Variants in CASK observed in about 807,000 individuals in gnomAD.
CASK encodes peripheral plasma membrane protein CASK.
CASK carries 4 observed loss-of-function variants against 82.9 expected under a neutral mutation model. The observed-to-expected ratio is 0.05, with a 90% CI of 0.02 to 0.11. The LOEUF (loss-of-function observed/expected upper bound fraction) is 0.11. Ranked by LOEUF, CASK falls within the 10% of genes least tolerant of loss-of-function variation. The pLI is 1.00. For missense variants in CASK, 358 were observed against 720.9 expected, an observed-to-expected ratio of 0.50 and a Z score of 5.76; for synonymous variants, 259 against 253.5, an observed-to-expected ratio of 1.02 and a Z score of -0.20.
intron 10 of CASK, among the ~76,000 whole-genome samples, chrX:41,624,865 A>G (rs2066340047): frequency 9.0e-6 from 1 of 111,502 alleles, no homozygotes; most frequent in African/African-American, 3.3e-5. Flanking sequence ...GGAAGGGCCC[A>G]GGGCCTCAGT....
intron 21 of CASK, among the ~76,000 whole-genome samples, chrX:41,544,383 G>T (rs5918196): frequency 0.15 from 16,613 of 109,447 alleles, 1,005 homozygotes; most frequent in Middle Eastern, 0.18. Flanking sequence ...CTGGGCAACA[G>T]GGCGAAATCC....
chrX:41,540,768 C>T (rs890505365), intron 22 of CASK, among the ~76,000 whole-genome samples: 11 of 112,200 alleles, frequency 9.8e-5, no homozygotes, highest in Admixed American at 1.9e-4. Context: ...GCTGCCAGAT[C>T]GGATGCTGAT....
chrX:41,766,005 T>C (rs984461904), intron 3 of CASK, among the ~76,000 whole-genome samples: 3 of 112,159 alleles, frequency 2.7e-5, no homozygotes, highest in East Asian at 2.8e-4. Context: ...AATGTTAATT[T>C]TGGGAAGAAT....
At chrX:41,776,482 A>G (rs1450661206) in intron 3 of CASK, among the ~76,000 whole-genome samples, 1 of 112,820 alleles carries the variant, frequency 8.9e-6, no homozygotes, top group Non-Finnish European at 1.9e-5. Context: ...CATTGTAATA[A>G]AGGCAAGAAA....
At chrX:41,891,282 T>C (rs746645751) in intron 1 of CASK, among the ~76,000 whole-genome samples, 102 of 88,302 alleles carry the variant, frequency 1.2e-3, no homozygotes, top group Non-Finnish European at 1.8e-3. Flanking sequence ...ATAAAGGAGA[T>C]ACTGAATTAA....
chrX:41,818,194 T>TGTGTGTGTG (rs1569458642), intron 2 of CASK, among the ~76,000 whole-genome samples: 4 of 102,680 alleles, frequency 3.9e-5, no homozygotes, highest in Non-Finnish European at 8.0e-5. Context: ...TGTGTGTGTG[T>TGTGTGTGTG]TTGCTGAAAT....
chrX:41,577,660 T>C (rs2147198880), intron 15 of CASK, among the ~76,000 whole-genome samples: 1 of 111,253 alleles, frequency 9.0e-6, no homozygotes, highest in East Asian at 2.8e-4. Flanking sequence ...CATGTGCTAT[T>C]TGGTTTGCTG....
At chrX:41,913,721 T>C (rs2072624162) in intron 1 of CASK, among the ~76,000 whole-genome samples, 1 of 112,553 alleles carries the variant, frequency 8.9e-6, no homozygotes, top group South Asian at 3.7e-4. Context: ...GTAATTTGAG[T>C]ATCTCAGAGA....
At chrX:41,643,751 C>T (rs1393738952) in intron 8 of CASK, among the ~76,000 whole-genome samples, 2 of 111,509 alleles carry the variant, frequency 1.8e-5, no homozygotes, top group South Asian at 3.7e-4. Context: ...TTTTCCTAAT[C>T]GAATACCTTT....
At chrX:41,543,701 C>G (rs186967854) in intron 21 of CASK, among the ~76,000 whole-genome samples, 113 of 111,785 alleles carry the variant, frequency 1.0e-3, no homozygotes, top group African/African-American at 3.5e-3. Flanking sequence ...CTCATGGGGG[C>G]CAACCAAGGG....
At chrX:41,545,909 C>A (rs2065016630) in intron 21 of CASK, among the ~76,000 whole-genome samples, 1 of 109,296 alleles carries the variant, frequency 9.1e-6, no homozygotes, top group Admixed American at 9.8e-5. Flanking sequence ...GTCATCTTGA[C>A]CTCCTGGGTG....
chrX:41,815,854 A>C (rs933038317), intron 2 of CASK, among the ~76,000 whole-genome samples: 1 of 112,340 alleles, frequency 8.9e-6, no homozygotes, highest in African/African-American at 3.2e-5. Context: ...GCATAAAACC[A>C]GTGATAAAAA....
At chrX:41,800,406 G>A (rs1437055321) in intron 2 of CASK, among the ~76,000 whole-genome samples, 1 of 111,321 alleles carries the variant, frequency 9.0e-6, no homozygotes, top group Admixed American at 9.5e-5. Flanking sequence ...TCTGCTCAGG[G>A]AAGGGTATAG....
chrX:41,636,962 T>G (rs774725858), intron 8 of CASK, among the ~76,000 whole-genome samples: 81 of 111,218 alleles, frequency 7.3e-4, no homozygotes, highest in Admixed American at 1.5e-3. Context: ...AAGGCATTGT[T>G]ACTTTTTTTT....
At chrX:41,621,553 G>A (rs2066288665) in intron 11 of CASK, among the ~76,000 whole-genome samples, 2 of 111,619 alleles carry the variant, frequency 1.8e-5, no homozygotes, top group African/African-American at 6.5e-5. Flanking sequence ...TGTGCCTTCC[G>A]GTGAGATAGC....
chrX:41,740,775 TAGCTCTGATGTTTTA>T (rs2068584937), intron 4 of CASK, among the ~76,000 whole-genome samples: 1 of 112,796 alleles, frequency 8.9e-6, no homozygotes, highest in Non-Finnish European at 1.9e-5. Context: ...ATGTAATCAT[TAGCTCTGATGTTTTA>T]ATTTATCTTA....
At chrX:41,846,570 A>C (rs1476924933) in intron 2 of CASK, among the ~76,000 whole-genome samples, 1 of 111,351 alleles carries the variant, frequency 9.0e-6, no homozygotes, top group African/African-American at 3.3e-5. Flanking sequence ...TTAATAATTT[A>C]ATTGTACATT....
At chrX:41,818,170 T>C (rs1274792615) in intron 2 of CASK, among the ~76,000 whole-genome samples, 2 of 108,361 alleles carry the variant, frequency 1.8e-5, no homozygotes, top group Non-Finnish European at 3.8e-5. Context: ...TGTGTGTGTG[T>C]GTGTGTGTGT....
intron 11 of CASK, among the ~76,000 whole-genome samples, chrX:41,611,667 C>T (rs1273275356): frequency 7.1e-5 from 4 of 56,386 alleles, no homozygotes; most frequent in Non-Finnish European, 1.3e-4. Context: ...CCCTCTCTCT[C>T]TCCCTCTCCC....
Sources: gnomAD v4.1 joint callset for allele counts (sites outside exome capture counted in the v4.1 genomes callset) on GRCh38, gnomAD v4.1.1 for gene constraint, MANE v1.5 for transcripts, NCBI Gene and HGNC (gene_info 2026-07-23, HGNC 2026-07-21) for gene names.